Variants in HCN1 observed in about 807,000 individuals in gnomAD.
HCN1 encodes hyperpolarization activated cyclic nucleotide gated potassium channel 1, also known as potassium/sodium hyperpolarization-activated cyclic nucleotide-gated channel 1.
HCN1 carries 13 observed loss-of-function variants against 78.9 expected under a neutral mutation model. That is an observed-to-expected ratio of 0.16 (90% CI 0.11 to 0.26). The LOEUF (loss-of-function observed/expected upper bound fraction) is 0.26. Among genes scored for constraint, HCN1 ranks in the 10% least tolerant of loss-of-function variants. The pLI is 1.00. For missense variants in HCN1, 810 were observed against 1,154.3 expected, an observed-to-expected ratio of 0.70 and a Z score of 4.32; for synonymous variants, 552 against 455.5, an observed-to-expected ratio of 1.21 and a Z score of -2.70.
Position 45,267,234 on chromosome 5 carries a change from T to G in HCN1, c.1638A>C (p.Lys546Asn), listed in dbSNP as rs1744876391. ...CTCGAACACTGGCAGTACGACGTCCTTTGGTCAGCAGGCAAATCTCTATAA... is the reference window on the plus strand; with the variant it reads ...CTCGAACACTGGCAGTACGACGTCCGTTGGTCAGCAGGCAAATCTCTATAA... The part of the protein sequence containing the change: ...SYFGEICLLT[K>N]GRRTASVRAD... The change falls in exon 7 of 8, where the codon AAA becomes AAC. Residue 546 changes from lysine (K) to asparagine (N), a missense_variant. By Grantham distance (94) the Lys-to-Asn change is moderately conservative. Around this residue, in one of 6 missense-constraint regions of HCN1, gnomAD observed 2 missense variants for 18.1 expected, o/e 0.11. Transcript: ENST00000303230. 1 of 1,613,984 alleles carries G rather than the reference T, an allele frequency of 6.2e-7. No homozygotes were observed. The highest frequency in any genetic ancestry group is 8.5e-7 in the Non-Finnish European group (1 of 1,179,930).
intron 1 of HCN1, among the ~76,000 whole-genome samples, chr5:45,652,762 CT>C (rs1228143491): frequency 1.3e-5 from 2 of 151,820 alleles, no homozygotes; most frequent in Admixed American, 6.6e-5. Flanking sequence ...TATAGCATAG[CT>C]TTTTTTCTTT....
At chr5:45,542,505 G>T (rs1743125091) in intron 2 of HCN1, among the ~76,000 whole-genome samples, 1 of 151,628 alleles carries the variant, frequency 6.6e-6, no homozygotes, top group Non-Finnish European at 1.5e-5. Context: ...AAAAAAAAAA[G>T]ATTTTCAGAT....
chr5:45,389,057 A>G (rs1238214051), intron 4 of HCN1, among the ~76,000 whole-genome samples: 1 of 152,058 alleles, frequency 6.6e-6, no homozygotes, highest in African/African-American at 2.4e-5. Flanking sequence ...TTCCATTTCA[A>G]ATTGCTACTA....
chr5:45,442,413 A>T (rs116032317), intron 3 of HCN1, among the ~76,000 whole-genome samples: 1 of 152,154 alleles, frequency 6.6e-6, no homozygotes, highest in Non-Finnish European at 1.5e-5. Flanking sequence ...GTGGAAACTG[A>T]GGGCCTGCTG....
chr5:45,469,748 A>T (rs1482098711), intron 2 of HCN1, among the ~76,000 whole-genome samples: 1 of 151,940 alleles, frequency 6.6e-6, no homozygotes, highest in African/African-American at 2.4e-5. Flanking sequence ...GTTCTTACAC[A>T]TTAAAAAGAA....
chr5:45,371,261 G>T (rs1747350843), intron 4 of HCN1, among the ~76,000 whole-genome samples: 1 of 151,866 alleles, frequency 6.6e-6, no homozygotes, highest in Non-Finnish European at 1.5e-5. Flanking sequence ...TAGCAGACAG[G>T]AAATAACCAA....
rs560657103 is a variant in HCN1, at chr5:45,442,956, T to A, written c.1011+18890A>T. Reference sequence around the variant, plus strand: ...GCTAGTTTAACTTGATAGCCCCAATTTGTCATGTACCTAACTTTTTCTATA... The same window carrying A: ...GCTAGTTTAACTTGATAGCCCCAATATGTCATGTACCTAACTTTTTCTATA... On this transcript the variant is annotated intron_variant, in intron 3 of 7. Coordinates refer to ENST00000303230, the MANE Select transcript of HCN1 (RefSeq NM_021072.4). Among the ~76,000 whole-genome samples the A allele has an allele frequency of 2.8e-4, 43 of 152,196 alleles. No individual in the cohort carries two copies. In the South Asian group the frequency reaches 8.5e-3, roughly 30 times the overall value.
At chr5:45,388,357 A>G (rs1747969628) in intron 4 of HCN1, among the ~76,000 whole-genome samples, 2 of 152,182 alleles carry the variant, frequency 1.3e-5, no homozygotes, top group Admixed American at 6.6e-5. Context: ...GTTCTCATCA[A>G]TAAACCATGA....
At chr5:45,302,407 T>C (rs534019134) in intron 6 of HCN1, among the ~76,000 whole-genome samples, 54 of 152,188 alleles carry the variant, frequency 3.5e-4, no homozygotes, top group Non-Finnish European at 6.0e-4. Flanking sequence ...ATTAAGTCTC[T>C]ATTCTTTATA....
At position 45,340,174 on chromosome 5, in the gene HCN1, A is replaced by G. The variant is rs190004628; in HGVS notation, c.1377+12926T>C. 6.6e-4 allele frequency among the ~76,000 whole-genome samples: 100 copies of G among 152,018 alleles called. 1 individual carries two copies. The East Asian group carries it at 0.012, about 18-fold the overall frequency. On this transcript the variant is annotated intron_variant, in intron 5 of 7. Transcript: ENST00000303230. ...GACCTCAGGCAACCCACCTGCATCA[A>G]CCTCCCAAAGTACTGGGATTACAGG...
At chr5:45,525,581 T>C (rs890284042) in intron 2 of HCN1, among the ~76,000 whole-genome samples, 28 of 151,800 alleles carry the variant, frequency 1.8e-4, no homozygotes, top group South Asian at 1.0e-3. Flanking sequence ...GAGTAATAAA[T>C]AAATAAAAAG....
intron 5 of HCN1, among the ~76,000 whole-genome samples, chr5:45,348,399 C>T (rs560707133): frequency 2.0e-5 from 3 of 152,228 alleles, no homozygotes; most frequent in African/African-American, 7.2e-5. Flanking sequence ...CCGGTACCAG[C>T]CACTGAAAAA....
At chr5:45,496,609 G>A (rs1378003751) in intron 2 of HCN1, among the ~76,000 whole-genome samples, 6 of 151,764 alleles carry the variant, frequency 4.0e-5, no homozygotes, top group African/African-American at 1.5e-4. Flanking sequence ...TTCTTTATTA[G>A]TCTTGCTAGC....
At chr5:45,398,448 T>C (rs2112042517) in intron 3 of HCN1, among the ~76,000 whole-genome samples, 1 of 152,116 alleles carries the variant, frequency 6.6e-6, no homozygotes, top group Admixed American at 6.6e-5. Flanking sequence ...TGCCTATATG[T>C]GTGTGTGTGT....
intron 2 of HCN1, among the ~76,000 whole-genome samples, chr5:45,537,640 C>A (rs1017572407): frequency 3.6e-5 from 5 of 140,106 alleles, no homozygotes; most frequent in Admixed American, 1.5e-4. Context: ...CGGGTTCAAG[C>A]AATTCTTCTG....
chr5:45,426,749 GC>G (rs1740356610), intron 3 of HCN1, among the ~76,000 whole-genome samples: 1 of 152,096 alleles, frequency 6.6e-6, no homozygotes, highest in African/African-American at 2.4e-5. Context: ...ACTCAAGTCT[GC>G]TCTTCATATG....
intron 2 of HCN1, among the ~76,000 whole-genome samples, chr5:45,463,146 A>C (rs1741198876): frequency 6.6e-6 from 1 of 151,992 alleles, no homozygotes; most frequent in African/African-American, 2.4e-5. Flanking sequence ...AAATTATCCA[A>C]AAAATGTAAA....
intron 3 of HCN1, among the ~76,000 whole-genome samples, chr5:45,432,892 G>T (rs542916753): frequency 6.6e-6 from 1 of 152,040 alleles, no homozygotes; most frequent in Non-Finnish European, 1.5e-5. Flanking sequence ...GGCAAACGAG[G>T]TGTTTGCCTC....
At chr5:45,535,415 TG>T (rs1160164640) in intron 2 of HCN1, among the ~76,000 whole-genome samples, 2 of 152,132 alleles carry the variant, frequency 1.3e-5, no homozygotes, top group African/African-American at 2.4e-5. Flanking sequence ...ATAGCCAACA[TG>T]GTGAAACCCC....
Sources: allele counts gnomAD v4.1 joint callset (sites outside exome capture counted in the v4.1 genomes callset), GRCh38; gene constraint gnomAD v4.1.1; regional missense constraint gnomAD v4.1.1; transcripts MANE v1.5; gene names NCBI Gene and HGNC (gene_info 2026-07-23, HGNC 2026-07-21).